Variants in MIPOL1 observed in about 807,000 individuals in gnomAD.
The protein encoded by MIPOL1 is mirror-image polydactyly 1, also known as mirror-image polydactyly gene 1 protein.
MIPOL1 carries 57 observed loss-of-function variants against 60.9 expected under a neutral mutation model. The observed-to-expected ratio is 0.94, with a 90% confidence interval of 0.76 to 1.17. The LOEUF is 1.17. Ranked by LOEUF, MIPOL1 falls within the 50% of genes most tolerant of loss-of-function variation. The pLI is 0.00. For missense variants in MIPOL1, 551 were observed against 511.6 expected (o/e 1.08, Z -0.74); for synonymous variants, 179 against 168.8 (o/e 1.06, Z -0.47).
chr14:37,444,495 T>A (rs1268712847), intron 11 of MIPOL1, among the ~76,000 whole-genome samples: 1 of 152,182 alleles, frequency 6.6e-6, no homozygotes, highest in African/African-American at 2.4e-5. Flanking sequence ...AAGAATTACA[T>A]TTGTCTTTAC....
chr14:37,422,047 A>G (rs541496073), intron 10 of MIPOL1, among the ~76,000 whole-genome samples: 1 of 152,208 alleles, frequency 6.6e-6, no homozygotes, highest in African/African-American at 2.4e-5. Flanking sequence ...AATAAACAAT[A>G]CTAAAACCTG....
intron 11 of MIPOL1, among the ~76,000 whole-genome samples, chr14:37,465,596 T>C (rs1399060097): frequency 6.6e-6 from 1 of 152,144 alleles, no homozygotes; most frequent in Non-Finnish European, 1.5e-5. Context: ...TTTAACCCTT[T>C]TGATATTGGA....
chr14:37,457,453 A>G (rs2094489805), intron 11 of MIPOL1, among the ~76,000 whole-genome samples: 1 of 152,172 alleles, frequency 6.6e-6, no homozygotes, highest in African/African-American at 2.4e-5. Flanking sequence ...TTGGTTTCAC[A>G]AAACACTTGG....
At chr14:37,276,245 A>T (rs576749866) in intron 6 of MIPOL1, 1 of 151,022 alleles carries the variant, frequency 6.6e-6, no homozygotes, top group Non-Finnish European at 1.5e-5. Context: ...CTCTGCATGC[A>T]AATTTAGACT....
chr14:37,442,615 C>T lies in MIPOL1; in HGVS notation c.1031+19666C>T, dbSNP rs536032952. Among the ~76,000 whole-genome samples, 5 of 151,478 alleles carry T rather than the reference C, an allele frequency of 3.3e-5. No homozygotes were observed. In the South Asian group the frequency reaches 1.0e-3, roughly 32 times the overall value. On this transcript the variant is annotated intron_variant, in intron 11 of 12. Transcript: ENST00000684589. ...TTTTATCAAGAGCTTATTAAACCTG[C>T]ACATGTACCCCCGAATCTAAAATAA...
At chr14:37,201,710 A>G (rs1965371468) in intron 1 of MIPOL1, among the ~76,000 whole-genome samples, 1 of 152,130 alleles carries the variant, frequency 6.6e-6, no homozygotes, top group Non-Finnish European at 1.5e-5. Context: ...TGGGCTGCCC[A>G]GTTCATCTTT....
intron 11 of MIPOL1, among the ~76,000 whole-genome samples, chr14:37,477,789 T>C (rs1350342081): frequency 1.3e-5 from 2 of 152,212 alleles, no homozygotes; most frequent in African/African-American, 4.8e-5. Context: ...CAAGCACACC[T>C]ACAAAGTGTA....
intron 11 of MIPOL1, among the ~76,000 whole-genome samples, chr14:37,428,844 T>C (rs1041275402): frequency 6.6e-6 from 1 of 152,120 alleles, no homozygotes; most frequent in Non-Finnish European, 1.5e-5. Context: ...GTTGGTCTTT[T>C]GTTTCTTTTG....
intron 7 of MIPOL1, among the ~76,000 whole-genome samples, chr14:37,306,821 C>G (rs544705852): frequency 3.8e-4 from 58 of 151,744 alleles, no homozygotes; most frequent in African/African-American, 1.3e-3. Context: ...GAAAATTGTT[C>G]ATTTATTTTG....
In MIPOL1 at chr14:37,344,847, A is replaced by G. The variant is rs374774538; in HGVS notation, c.829-24670A>G. 5.3e-5 allele frequency among the ~76,000 whole-genome samples: 8 copies of G among 152,192 alleles called. No homozygotes were observed. The East Asian group carries it at 5.8e-4, about 11-fold the overall frequency. Reference sequence around the variant, plus strand: ...TAGTTCGAGAACCAGCTGGGGCAACATTACAAGTCCTCATCTCGACAAAAT... The same window carrying G: ...TAGTTCGAGAACCAGCTGGGGCAACGTTACAAGTCCTCATCTCGACAAAAT... On this transcript the variant is annotated intron_variant, in intron 9 of 12. Coordinates refer to ENST00000684589, the MANE Select transcript of MIPOL1 (RefSeq NM_001388067.1).
At chr14:37,296,584 A>G (rs1182320669) in intron 7 of MIPOL1, among the ~76,000 whole-genome samples, 1 of 152,212 alleles carries the variant, frequency 6.6e-6, no homozygotes, top group Middle Eastern at 3.2e-3. Context: ...GAAAAGAGAG[A>G]AGAATCAAAT....
At chr14:37,214,793 GAC>G (rs1250401520) in intron 1 of MIPOL1, among the ~76,000 whole-genome samples, 1 of 152,142 alleles carries the variant, frequency 6.6e-6, no homozygotes, top group Non-Finnish European at 1.5e-5. Flanking sequence ...TGTCTGGAAA[GAC>G]ACCCATTACC....
chr14:37,446,120 A>G (rs1173088281), intron 11 of MIPOL1, among the ~76,000 whole-genome samples: 9 of 152,230 alleles, frequency 5.9e-5, no homozygotes, highest in Admixed American at 2.0e-4. Context: ...AGACACTACC[A>G]TCAGAGTGAA....
At chr14:37,385,493 G>C (rs1043684065) in intron 10 of MIPOL1, 23 of 152,214 alleles carry the variant, frequency 1.5e-4, no homozygotes, top group African/African-American at 5.3e-4. Context: ...TTACTTTCCA[G>C]CTTTTCAGAA....
At chr14:37,217,897 C>T (rs1289994102) in intron 1 of MIPOL1, among the ~76,000 whole-genome samples, 1 of 152,124 alleles carries the variant, frequency 6.6e-6, no homozygotes, top group African/African-American at 2.4e-5. Flanking sequence ...TAGAGGTCTT[C>T]CTTCTTTTTA....
rs189541008 is a variant in MIPOL1, at chr14:37,344,827, C to G, written c.829-24690C>G. On this transcript the variant is annotated intron_variant, in intron 9 of 12. Coordinates refer to ENST00000684589, the MANE Select transcript of MIPOL1 (RefSeq NM_001388067.1). ...GGAAGACTGCTTGAGGCTAGTAGTT[C>G]GAGAACCAGCTGGGGCAACATTACA... Among the ~76,000 whole-genome samples the G allele has an allele frequency of 6.1e-4, 93 of 152,020 alleles. 1 individual carries two copies. In the Middle Eastern group the frequency reaches 0.024, roughly 39 times the overall value.
chr14:37,313,557 CTG>C (rs1207838887), intron 9 of MIPOL1, among the ~76,000 whole-genome samples: 5 of 152,074 alleles, frequency 3.3e-5, no homozygotes, highest in Non-Finnish European at 5.9e-5. Flanking sequence ...ATGGGGGTAA[CTG>C]TATGGACTTT....
At chr14:37,254,854 C>T (rs773803427) in intron 3 of MIPOL1, among the ~76,000 whole-genome samples, 2 of 151,628 alleles carry the variant, frequency 1.3e-5, no homozygotes, top group Non-Finnish European at 3.0e-5. Flanking sequence ...CCTTTTCTCC[C>T]CCGTTTCTAT....
chr14:37,408,544 C>A (rs746730129), intron 10 of MIPOL1, among the ~76,000 whole-genome samples: 7 of 152,102 alleles, frequency 4.6e-5, no homozygotes, highest in Non-Finnish European at 8.8e-5. Flanking sequence ...GTTGCAGGAT[C>A]GTTGAGCCCC....
Sources: gnomAD v4.1 joint callset for allele counts (sites outside exome capture counted in the v4.1 genomes callset) on GRCh38, gnomAD v4.1.1 for gene constraint, MANE v1.5 for transcripts, NCBI Gene and HGNC (gene_info 2026-07-23, HGNC 2026-07-21) for gene names.